Variants in CCBE1 observed in about 807,000 individuals in gnomAD.
The protein encoded by CCBE1 is collagen and calcium binding EGF domains 1, also known as collagen and calcium-binding EGF domain-containing protein 1.
CCBE1 carries 37 observed loss-of-function variants against 50.0 expected under a neutral mutation model. The ratio of observed to expected loss-of-function variants is 0.74; its 90% CI spans 0.57 to 0.97. CCBE1 has a LOEUF of 0.97. CCBE1 is among the 50% of genes least tolerant of loss of function. The pLI is 0.00. For synonymous variants in CCBE1, 234 were observed against 203.7 expected (o/e 1.15, Z -1.27); for missense variants, 538 against 523.8 (o/e 1.03, Z -0.26).
At chr18:59,491,236 T>A (rs932286004) in intron 2 of CCBE1, among the ~76,000 whole-genome samples, 2 of 152,178 alleles carry the variant, frequency 1.3e-5, no homozygotes, top group African/African-American at 4.8e-5. Flanking sequence ...TTACCAAGCA[T>A]CCTGGAAAGT....
Position 59,679,850 on chromosome 18 carries a change from G to A in CCBE1, c.212+16779C>T, listed in dbSNP as rs553659887. On this transcript the variant is annotated intron_variant, in intron 2 of 10. Transcript: ENST00000439986. ...CATATGTAAGATGAACATTGGTTCA[G>A]TCTAGAAAGGCGGGACAACTTGAGG... is the stretch of plus-strand genomic sequence containing the variant. 2.6e-5 allele frequency among the ~76,000 whole-genome samples: 4 copies of A among 152,314 alleles called. No homozygotes were observed. In the East Asian group the frequency reaches 7.7e-4, roughly 29 times the overall value.
intron 2 of CCBE1, among the ~76,000 whole-genome samples, chr18:59,655,479 C>G (rs2054177643): frequency 6.6e-6 from 1 of 152,160 alleles, no homozygotes; most frequent in South Asian, 2.1e-4. Context: ...CATTTGAATT[C>G]AGTTTCTCTC....
At chr18:59,681,833 CAG>C (rs1265880687) in intron 2 of CCBE1, among the ~76,000 whole-genome samples, 1 of 152,238 alleles carries the variant, frequency 6.6e-6, no homozygotes, top group Admixed American at 6.5e-5. Context: ...ATAAGTACTG[CAG>C]AGTCTCCCTC....
At chr18:59,560,443 C>G (rs1021267187) in intron 2 of CCBE1, among the ~76,000 whole-genome samples, 1 of 152,156 alleles carries the variant, frequency 6.6e-6, no homozygotes, top group Non-Finnish European at 1.5e-5. Flanking sequence ...ACACCGGGGC[C>G]TGTCAGTGGG....
intron 2 of CCBE1, among the ~76,000 whole-genome samples, chr18:59,682,932 C>A (rs187808101): frequency 1.1e-3 from 170 of 152,330 alleles, no homozygotes; most frequent in Non-Finnish European, 1.5e-3. Context: ...TGTGCCCCCC[C>A]TTCCCTGTAG....
chr18:59,551,144 T>C (rs1389243902), intron 2 of CCBE1, among the ~76,000 whole-genome samples: 2 of 151,874 alleles, frequency 1.3e-5, no homozygotes, highest in African/African-American at 4.8e-5. Flanking sequence ...CATCAGAGCA[T>C]ACTTACACAA....
intron 6 of CCBE1, among the ~76,000 whole-genome samples, chr18:59,452,444 A>T (rs1468505615): frequency 6.6e-6 from 1 of 151,832 alleles, no homozygotes; most frequent in Non-Finnish European, 1.5e-5. Flanking sequence ...TACAAAAAAA[A>T]TTAGCGTGGC....
intron 2 of CCBE1, among the ~76,000 whole-genome samples, chr18:59,694,122 C>T (rs2564471): frequency 6.3e-4 from 95 of 151,778 alleles, no homozygotes; most frequent in African/African-American, 2.1e-3. Context: ...CACCCACCTC[C>T]GCCTCCCAAA....
chr18:59,680,284 G>A (rs1011839437), intron 2 of CCBE1, among the ~76,000 whole-genome samples: 2 of 151,850 alleles, frequency 1.3e-5, no homozygotes, highest in Admixed American at 6.6e-5. Context: ...ATCTCAGGGA[G>A]CAGAGGGGTG....
intron 2 of CCBE1, among the ~76,000 whole-genome samples, chr18:59,645,728 G>T (rs2054046441): frequency 6.6e-6 from 1 of 152,170 alleles, no homozygotes; most frequent in South Asian, 2.1e-4. Context: ...CCCAAAACCT[G>T]CCTTAAAAGT....
At chr18:59,682,356 A>G (rs151216067) in intron 2 of CCBE1, among the ~76,000 whole-genome samples, 2,470 of 152,270 alleles carry the variant, frequency 0.016, 29 homozygotes, top group Middle Eastern at 0.044. Flanking sequence ...AGAGCAAGAC[A>G]CCATCTAAGA....
At chr18:59,472,848 A>C (rs573345099) in intron 3 of CCBE1, among the ~76,000 whole-genome samples, 1 of 152,224 alleles carries the variant, frequency 6.6e-6, no homozygotes, top group Non-Finnish European at 1.5e-5. Context: ...GAGGCCTTAC[A>C]ATCATGGAAG....
At chr18:59,521,484 G>T (rs1273687857) in intron 2 of CCBE1, among the ~76,000 whole-genome samples, 1 of 152,090 alleles carries the variant, frequency 6.6e-6, no homozygotes, top group Non-Finnish European at 1.5e-5. Context: ...GAGAATTCCA[G>T]AAGGACTCTG....
At chr18:59,480,121 A>G in intron 3 of CCBE1, 65 bp downstream of exon 3, 1 of 1,010,136 alleles carries the variant, frequency 9.9e-7, no homozygotes. Context: ...GAACATCTGA[A>G]GTTGATAGAC....
At chr18:59,671,828 G>GA (rs2054436651) in intron 2 of CCBE1, among the ~76,000 whole-genome samples, 1 of 149,422 alleles carries the variant, frequency 6.7e-6, no homozygotes, top group Admixed American at 6.6e-5. Flanking sequence ...AAAAGGGGGG[G>GA]GGTAGTCAGT....
intron 2 of CCBE1, among the ~76,000 whole-genome samples, chr18:59,649,720 G>A (rs1168097723): frequency 1.3e-5 from 2 of 152,226 alleles, no homozygotes; most frequent in East Asian, 1.9e-4. Context: ...AGTAACCTAT[G>A]CCCTTTTCAT....
rs568804043 is a variant in CCBE1, at chr18:59,522,320, G to A, written c.213-42082C>T. On this transcript the variant is annotated intron_variant, in intron 2 of 10. Coordinates refer to ENST00000439986, the MANE Select transcript of CCBE1 (RefSeq NM_133459.4). ...GTAAGATGAAACCAATTTTACCATC[G>A]GCTAATTGACATAAAGAAGAGGTAA... Among the ~76,000 whole-genome samples the A allele has an allele frequency of 5.3e-5, 8 of 152,068 alleles. No individual in the cohort carries two copies. The East Asian group carries it at 7.7e-4, about 15-fold the overall frequency.
rs1210215946 is a variant in CCBE1, at chr18:59,436,111, G to A, written c.1018C>T (p.Leu340Phe). The change falls in exon 11 of 11, where the codon CTT (leucine) becomes TTT (phenylalanine). Residue 340 changes from leucine to phenylalanine, a missense_variant. Transcript: ENST00000439986. ...TCATTGCGGATGTCAGCCAGCATAA[G>A]TAGCAGGAAGTCGAAAGAACCAGGG... ...GPPGSFDFLLLMLADIRNDIT... is the reference protein window; with the variant it reads ...GPPGSFDFLLFMLADIRNDIT... The A allele has an allele frequency of 1.7e-5, 28 of 1,614,220 alleles. No homozygotes were observed. Among genetic ancestry groups the A allele is most frequent in the Non-Finnish European group, 2.3e-5 (27 of 1,180,042 alleles).
intron 1 of CCBE1, among the ~76,000 whole-genome samples, chr18:59,696,920 G>A (rs918104761): frequency 1.8e-4 from 28 of 152,324 alleles, no homozygotes; most frequent in African/African-American, 6.7e-4. Flanking sequence ...AGCTCCAGGA[G>A]AAAGGAAGCG....
Sources: gnomAD v4.1 joint callset for allele counts (sites outside exome capture counted in the v4.1 genomes callset) on GRCh38, gnomAD v4.1.1 for gene constraint, MANE v1.5 for transcripts, NCBI Gene and HGNC (gene_info 2026-07-23, HGNC 2026-07-21) for gene names.